Variants in CCBE1 observed in about 807,000 individuals in gnomAD.
CCBE1 encodes the protein collagen and calcium binding EGF domains 1, also known as collagen and calcium-binding EGF domain-containing protein 1.
CCBE1 carries 37 observed loss-of-function variants against 50.0 expected under a neutral mutation model. The observed-to-expected ratio is 0.74, with a 90% CI of 0.57 to 0.97. The LOEUF (loss-of-function observed/expected upper bound fraction) is 0.97, where lower values mean the gene tolerates loss of function less well. Among genes scored for constraint, CCBE1 ranks in the 50% least tolerant of loss-of-function variants. The pLI is 0.00. For synonymous variants in CCBE1, 234 were observed against 203.7 expected (o/e 1.15, Z -1.27); for missense variants, 538 against 523.8 (o/e 1.03, Z -0.26).
At chr18:59,441,580 G>A (rs1313907707) in intron 7 of CCBE1, among the ~76,000 whole-genome samples, 1 of 152,116 alleles carries the variant, frequency 6.6e-6, no homozygotes, top group African/African-American at 2.4e-5. Flanking sequence ...TTGGAATAAT[G>A]AGATATGGGC....
intron 2 of CCBE1, among the ~76,000 whole-genome samples, chr18:59,680,201 AC>A (rs1314095140): frequency 2.0e-5 from 3 of 147,292 alleles, no homozygotes; most frequent in Non-Finnish European, 4.5e-5. Context: ...AGCCTGGGCG[AC>A]AGAGTGAGAC....
At chr18:59,618,109 T>C (rs1158333026) in intron 2 of CCBE1, among the ~76,000 whole-genome samples, 1 of 152,194 alleles carries the variant, frequency 6.6e-6, no homozygotes, top group African/African-American at 2.4e-5. Flanking sequence ...TAACGATGGA[T>C]TAACGTTCTA....
chr18:59,451,033 G>A (rs1261205612), intron 6 of CCBE1, among the ~76,000 whole-genome samples: 1 of 152,120 alleles, frequency 6.6e-6, no homozygotes, highest in East Asian at 1.9e-4. Context: ...CCTGACTGTT[G>A]GCCCCACTTC....
chr18:59,637,919 A>G (rs1478495653), intron 2 of CCBE1, among the ~76,000 whole-genome samples: 1 of 152,194 alleles, frequency 6.6e-6, no homozygotes, highest in African/African-American at 2.4e-5. Flanking sequence ...CAAGCAACAA[A>G]TAATCCTAGT....
At chr18:59,623,059 A>C (rs2144610071) in intron 2 of CCBE1, among the ~76,000 whole-genome samples, 2 of 152,324 alleles carry the variant, frequency 1.3e-5, no homozygotes, top group African/African-American at 4.8e-5. Context: ...ACTGATTGTA[A>C]TAAATGCACC....
Position 59,609,257 on chromosome 18 carries a change from C to T in CCBE1, c.212+87372G>A, listed in dbSNP as rs893951508. Among the ~76,000 whole-genome samples, 8 of 152,300 alleles carry T rather than the reference C, an allele frequency of 5.3e-5. No homozygotes were observed. The East Asian group carries it at 5.8e-4, about 11-fold the overall frequency. On this transcript the variant is annotated intron_variant, in intron 2 of 10. Coordinates refer to ENST00000439986, the MANE Select transcript of CCBE1 (RefSeq NM_133459.4). ...TTGGCTTCAACCACCATTCATATTC[C>T]AGTGACTCTCAAAATTAGATCTCCT... is the stretch of plus-strand genomic sequence containing the variant.
chr18:59,484,766 G>A (rs617225), intron 2 of CCBE1, among the ~76,000 whole-genome samples: 43,323 of 152,006 alleles, frequency 0.29, 6,252 homozygotes, highest in African/African-American at 0.3. Flanking sequence ...AGATTCCAGT[G>A]CGCCCTTCTG....
rs536778287 is a variant in CCBE1 at position 59,490,264 on chromosome 18, C to T, written c.213-10026G>A. 3.5e-4 allele frequency among the ~76,000 whole-genome samples: 53 copies of T among 152,038 alleles called. No homozygotes were observed. The South Asian group carries it at 0.01, about 30-fold the overall frequency. On this transcript the variant is annotated intron_variant, in intron 2 of 10. Transcript: ENST00000439986. Reference sequence around the variant, plus strand: ...CCTCCCAAAGTGCTGGGATTACAGGCGTGAGCCACCACACCCAGCCGAGAT... The same window carrying T: ...CCTCCCAAAGTGCTGGGATTACAGGTGTGAGCCACCACACCCAGCCGAGAT...
intron 5 of CCBE1, among the ~76,000 whole-genome samples, chr18:59,462,800 A>C (rs1278377994): frequency 6.6e-6 from 1 of 152,228 alleles, no homozygotes; most frequent in Non-Finnish European, 1.5e-5. Flanking sequence ...ACAGGACCTT[A>C]AGAAAGATAT....
chr18:59,446,743 A>G (rs1910689053), intron 7 of CCBE1, among the ~76,000 whole-genome samples: 1 of 152,230 alleles, frequency 6.6e-6, no homozygotes, highest in Non-Finnish European at 1.5e-5. Context: ...ACTGCAGACT[A>G]CAGTGCTCGC....
intron 2 of CCBE1, among the ~76,000 whole-genome samples, chr18:59,594,249 A>G (rs1184102100): frequency 3.9e-5 from 6 of 152,232 alleles, no homozygotes; most frequent in African/African-American, 1.4e-4. Context: ...TGAATCCGCT[A>G]CAGATGGGTT....
chr18:59,519,514 A>T (rs548941614), intron 2 of CCBE1, among the ~76,000 whole-genome samples: 79 of 63,848 alleles, frequency 1.2e-3, no homozygotes, highest in African/African-American at 3.3e-3. Context: ...TTTAAAACTT[A>T]AAAAAAATAG....
At chr18:59,546,959 G>C (rs540265511) in intron 2 of CCBE1, among the ~76,000 whole-genome samples, 1 of 150,054 alleles carries the variant, frequency 6.7e-6, no homozygotes, top group Non-Finnish European at 1.5e-5. Context: ...GTAAAATATT[G>C]TAAAAGCCCA....
intron 2 of CCBE1, among the ~76,000 whole-genome samples, chr18:59,628,846 C>T (rs1189621171): frequency 1.3e-5 from 2 of 152,160 alleles, no homozygotes; most frequent in African/African-American, 2.4e-5. Flanking sequence ...AAACTCAGAG[C>T]CATCCTTGAC....
rs1038379069 is a variant in CCBE1 at position 59,506,044 on chromosome 18, C to T, written c.213-25806G>A. Reference sequence around the variant, plus strand: ...CTCCCCATTCACATATACCCAGGAACCTCAGAATGTGGTCTTATTTGGGAA... The same window carrying T: ...CTCCCCATTCACATATACCCAGGAATCTCAGAATGTGGTCTTATTTGGGAA... On this transcript the variant is annotated intron_variant, in intron 2 of 10. Coordinates refer to ENST00000439986, the MANE Select transcript of CCBE1 (RefSeq NM_133459.4). Among the ~76,000 whole-genome samples, 4 of 152,136 alleles carry T rather than the reference C, an allele frequency of 2.6e-5. No individual in the cohort carries two copies. The East Asian group carries it at 7.7e-4, about 29-fold the overall frequency.
Position 59,454,950 on chromosome 18 carries a change from G to A in CCBE1, c.555C>T (p.Gly185=). 3.1e-6 allele frequency: 5 copies of A among 1,612,716 alleles called. No homozygotes were observed. The highest frequency in any genetic ancestry group is 4.2e-6 in the Non-Finnish European group (5 of 1,178,928). ...TRGDKYPNDT[G]HEKSENMVKA... ...TCACCATGTTCTCAGACTTCTCATG[G>A]CCTGAGAAAGGAGATAGGCTCAGTC... Residue 185 remains glycine (G), a splice_region_variant and synonymous_variant, in exon 6 of 11, where the codon GGC becomes GGT. Coordinates refer to ENST00000439986, the MANE Select transcript of CCBE1 (RefSeq NM_133459.4).
chr18:59,655,087 A>AAAG (rs1442603225), intron 2 of CCBE1, among the ~76,000 whole-genome samples: 6 of 147,368 alleles, frequency 4.1e-5, no homozygotes, highest in African/African-American at 1.5e-4. Flanking sequence ...GACTATGTCA[A>AAAG]AAAAAAAAAA....
chr18:59,528,935 C>T (rs1257864159), intron 2 of CCBE1, among the ~76,000 whole-genome samples: 1 of 152,094 alleles, frequency 6.6e-6, no homozygotes, highest in Non-Finnish European at 1.5e-5. Flanking sequence ...GGTTCTCACC[C>T]AGTCAGGAGT....
In CCBE1 at chr18:59,591,245, C is replaced by CAAAAA; in HGVS notation, c.212+105379_212+105383dup. ...TGGGCCACAGAGCGAGACTCCGTCT[C>CAAAAA]AAAAAAAAAAAAAAAAAAAAAAAAA... On this transcript the variant is annotated intron_variant, in intron 2 of 10. Transcript: ENST00000439986. Among the ~76,000 whole-genome samples, 7 of 2,116 alleles carry CAAAAA rather than the reference C, an allele frequency of 3.3e-3. 1 individual carries two copies. Among genetic ancestry groups the CAAAAA allele is most frequent in the East Asian group, 0.025 (1 of 40 alleles). The allele number at this position is 2,116 out of a possible 152,430, so 1.4% of individuals were successfully genotyped here. A position where few individuals can be genotyped will look rare whatever the true frequency, so the allele number is the denominator to read the frequency against.
Sources: gnomAD v4.1 joint callset for allele counts (sites outside exome capture counted in the v4.1 genomes callset) on GRCh38, gnomAD v4.1.1 for gene constraint, MANE v1.5 for transcripts, NCBI Gene and HGNC (gene_info 2026-07-23, HGNC 2026-07-21) for gene names.